Variants in ALPK1 observed in about 807,000 individuals in gnomAD.
ALPK1 encodes the protein alpha-protein kinase 1.
In ALPK1, 110 loss-of-function variants were observed where a neutral mutation model predicts 120.6. The observed-to-expected ratio is 0.91, with a 90% confidence interval of 0.78 to 1.07. The LOEUF is 1.07. Ranked by LOEUF, ALPK1 falls within the 50% of genes least tolerant of loss-of-function variation. ALPK1 has a pLI of 0.00. For synonymous variants in ALPK1, 582 were observed against 560.3 expected, an observed-to-expected ratio of 1.04 and a Z score of -0.55; for missense variants, 1,498 against 1,483.9, an observed-to-expected ratio of 1.01 and a Z score of -0.16.
At chr4:112,414,428 G>GCA in intron 5 of ALPK1, 2 of 405,086 alleles carry the variant, frequency 4.9e-6, no homozygotes, top group Non-Finnish European at 1.0e-5. Flanking sequence ...ACAACATGAT[G>GCA]AAACCCCATC....
chr4:112,371,945 A>T (rs1255195898), intron 2 of ALPK1, among the ~76,000 whole-genome samples: 3 of 152,246 alleles, frequency 2.0e-5, no homozygotes, highest in African/African-American at 7.2e-5. Context: ...GAAGCATCTT[A>T]ACAATTGTTC....
intron 2 of ALPK1, chr4:112,359,329 C>T (rs1201312400): frequency 2.5e-6 from 1 of 406,556 alleles, no homozygotes. Context: ...CAGCTCTTGG[C>T]AGTGCTGACA....
chr4:112,351,965 A>G (rs561734281), intron 2 of ALPK1, among the ~76,000 whole-genome samples: 29 of 152,354 alleles, frequency 1.9e-4, no homozygotes, highest in South Asian at 2.1e-4. Flanking sequence ...TTCTCCAACT[A>G]GAATTCTTTT....
chr4:112,420,869 G>C (rs1243557693), intron 5 of ALPK1, among the ~76,000 whole-genome samples: 1 of 151,942 alleles, frequency 6.6e-6, no homozygotes, highest in African/African-American at 2.4e-5. Context: ...GAGAGACTCT[G>C]TCACGCAGGC....
intron 5 of ALPK1, among the ~76,000 whole-genome samples, chr4:112,412,967 G>C (rs955923830): frequency 6.6e-6 from 1 of 152,188 alleles, no homozygotes; most frequent in Non-Finnish European, 1.5e-5. Flanking sequence ...GGCTAGTGGA[G>C]GTTACCTTTT....
At chr4:112,415,527 C>T (rs539172692) in intron 5 of ALPK1, among the ~76,000 whole-genome samples, 9 of 151,942 alleles carry the variant, frequency 5.9e-5, no homozygotes, top group African/African-American at 1.9e-4. Context: ...ATCCCAGCTA[C>T]TTGGGAGGCT....
chr4:112,343,532 A>T (rs924046050), intron 2 of ALPK1: 20 of 152,236 alleles, frequency 1.3e-4, no homozygotes, highest in African/African-American at 4.6e-4. Context: ...TATCAGCTGC[A>T]AGAGAGGGCC....
chr4:112,356,091 C>T, intron 2 of ALPK1: 1 of 1,151,802 alleles, frequency 8.7e-7, no homozygotes, highest in South Asian at 1.2e-5. Context: ...CCCGAATAGC[C>T]TGCCCCTCAG....
chr4:112,424,344 G>A (rs942491434), intron 6 of ALPK1, among the ~76,000 whole-genome samples: 1 of 152,154 alleles, frequency 6.6e-6, no homozygotes, highest in Non-Finnish European at 1.5e-5. Flanking sequence ...AATTGTGATT[G>A]GAAATAAAAG....
intron 2 of ALPK1, among the ~76,000 whole-genome samples, chr4:112,342,830 C>G (rs1185886984): frequency 1.3e-5 from 2 of 152,240 alleles, no homozygotes; most frequent in African/African-American, 4.8e-5. Context: ...TGCCCATTCT[C>G]TCATATTCCA....
intron 2 of ALPK1, among the ~76,000 whole-genome samples, chr4:112,348,746 C>A (rs1263216261): frequency 6.6e-6 from 1 of 152,244 alleles, no homozygotes; most frequent in African/African-American, 2.4e-5. Context: ...CTGTGTGAAT[C>A]ACACAGCCAC....
At chr4:112,434,761 G>T (rs1161615711) in intron 11 of ALPK1, among the ~76,000 whole-genome samples, 1 of 152,158 alleles carries the variant, frequency 6.6e-6, no homozygotes. Flanking sequence ...TGTTATTTGG[G>T]ATCCCCAGGT....
At chr4:112,398,372 A>G (rs1404620528) in intron 4 of ALPK1, among the ~76,000 whole-genome samples, 1 of 151,998 alleles carries the variant, frequency 6.6e-6, no homozygotes, top group African/African-American at 2.4e-5. Context: ...AGCTCACTGT[A>G]ACCTCAAATT....
intron 14 of ALPK1, 83 bp downstream of exon 14, chr4:112,439,955 TAATA>T: frequency 8.3e-7 from 1 of 1,206,470 alleles, no homozygotes; most frequent in Non-Finnish European, 1.1e-6. Flanking sequence ...AATCTTTACT[TAATA>T]GATTGTTCCA....
intron 4 of ALPK1, among the ~76,000 whole-genome samples, chr4:112,405,333 A>G (rs1417777082): frequency 6.6e-6 from 1 of 152,168 alleles, no homozygotes; most frequent in Non-Finnish European, 1.5e-5. Context: ...TGCTCTCATA[A>G]TACCAACTTT....
At chr4:112,380,761 T>C (rs1731865969) in intron 3 of ALPK1, among the ~76,000 whole-genome samples, 1 of 152,216 alleles carries the variant, frequency 6.6e-6, no homozygotes, top group African/African-American at 2.4e-5. Flanking sequence ...TTAATCATAC[T>C]GGTCTTTCAC....
chr4:112,411,834 T>C lies in ALPK1; in HGVS notation c.284T>C (p.Leu95Pro). The C allele has an allele frequency of 1.9e-6, 3 of 1,611,526 alleles. No homozygotes were observed. Among genetic ancestry groups the C allele is most frequent in the Non-Finnish European group, 2.5e-6 (3 of 1,178,916 alleles). ...TCCACGCTGTTCCTCCAGGCGTCCC[T>C]GAGGGCCTCCATCCTCGCTCGGGAC... ...GAGLQQLLAS[L>P]RASILARDCA... The change falls in exon 5 of 16, where the codon CTG becomes CCG. Residue 95 changes from leucine (L) to proline (P), a missense_variant. Coordinates refer to ENST00000650871, the MANE Select transcript of ALPK1 (RefSeq NM_025144.4).
At chr4:112,424,499 C>T (rs1321048449) in intron 6 of ALPK1, among the ~76,000 whole-genome samples, 1 of 152,170 alleles carries the variant, frequency 6.6e-6, no homozygotes, top group African/African-American at 2.4e-5. Context: ...TGAAAGGAGG[C>T]AAGACCTAAT....
intron 4 of ALPK1, among the ~76,000 whole-genome samples, chr4:112,392,768 T>C (rs1045931000): frequency 2.0e-5 from 3 of 152,202 alleles, no homozygotes; most frequent in African/African-American, 7.2e-5. Flanking sequence ...TGAGCTCAAG[T>C]GATCCACCTG....
Sources: gnomAD v4.1 joint callset for allele counts (sites outside exome capture counted in the v4.1 genomes callset) on GRCh38, gnomAD v4.1.1 for gene constraint, MANE v1.5 for transcripts, NCBI Gene and HGNC (gene_info 2026-07-23, HGNC 2026-07-21) for gene names.